ADGRV1: variants seen among roughly 807,000 people sequenced by gnomAD.
ADGRV1 encodes adhesion G protein-coupled receptor V1, also known as G-protein coupled receptor 98.
ADGRV1 carries 359 observed loss-of-function variants against 596.2 expected under a neutral mutation model. The ratio of observed to expected loss-of-function variants is 0.60; its 90% confidence interval spans 0.55 to 0.66. The LOEUF (loss-of-function observed/expected upper bound fraction) is 0.66. Among genes scored for constraint, ADGRV1 ranks in the 30% least tolerant of loss-of-function variants. ADGRV1 has a pLI of 0.00. For missense variants in ADGRV1, 7,274 were observed against 7,575.6 expected (o/e 0.96, Z 1.48); for synonymous variants, 2,681 against 2,679.2 (o/e 1.00, Z -0.02).
At chr5:90,952,641 G>A (rs2150912304) in intron 83 of ADGRV1, among the ~76,000 whole-genome samples, 1 of 152,242 alleles carries the variant, frequency 6.6e-6, no homozygotes, top group East Asian at 1.9e-4. Context: ...TTATGACTTA[G>A]GAGAACCAAA....
chr5:90,614,774 C>T, intron 1 of ADGRV1, 61 bp from the exon 2 acceptor site: 2 of 1,166,548 alleles, frequency 1.7e-6, no homozygotes, highest in Non-Finnish European at 2.5e-6. Flanking sequence ...ATAGACAATA[C>T]AATCTAATGA....
At chr5:90,589,017 A>G (rs898937977) in intron 1 of ADGRV1, among the ~76,000 whole-genome samples, 2 of 152,240 alleles carry the variant, frequency 1.3e-5, no homozygotes, top group African/African-American at 4.8e-5. Flanking sequence ...AGCTAAAAGT[A>G]TTGTCTTTCA....
At chr5:90,891,564 G>A (rs1770825357) in intron 83 of ADGRV1, among the ~76,000 whole-genome samples, 1 of 151,756 alleles carries the variant, frequency 6.6e-6, no homozygotes, top group African/African-American at 2.4e-5. Flanking sequence ...ACTTTTTCAG[G>A]TACTGATAAT....
Position 90,753,750 on chromosome 5 carries a change from A to G in ADGRV1, c.11298A>G (p.Thr3766=). 1 of 1,613,500 alleles carries G rather than the reference A, an allele frequency of 6.2e-7. No homozygotes were observed. The highest frequency in any genetic ancestry group is 1.1e-5 in the South Asian group (1 of 91,064). ...IDQDRSKSVI[T]TLPNDSPFGL... ...AGGACAGAAGCAAGTCTGTTATAAC[A>G]ACTTTGCCCAATGACTCACCTTTTG... The change falls in exon 54 of 90, where the codon ACA becomes ACG. Residue 3766 remains threonine (T), a synonymous_variant. Transcript: ENST00000405460.
At position 90,791,306 on chromosome 5, in the gene ADGRV1, G is replaced by A. The variant is rs777693829; in HGVS notation, c.14477G>A (p.Gly4826Asp). ...GAGAGGCAGCTGGTGGTCAAAGATG[G>A]TGCCACATATAAAGTGGACGTGGTG... ...NAERQLVVKD[G>D]ATYKVDVVPI... Residue 4826 changes from glycine to aspartate, a missense_variant, in exon 70 of 90, where the codon GGT (glycine) becomes GAT (aspartate). Around this residue, in one of 5 missense-constraint regions of ADGRV1, gnomAD observed 1,874 missense variants for 1,970.2 expected, o/e 0.95. Transcript: ENST00000405460. 1 of 1,590,464 alleles carries A rather than the reference G, an allele frequency of 6.3e-7. No homozygotes were observed. The highest frequency in any genetic ancestry group is 8.6e-7 in the Non-Finnish European group (1 of 1,167,772).
At chr5:90,560,793 A>T (rs189829312) in intron 1 of ADGRV1, among the ~76,000 whole-genome samples, 1 of 152,292 alleles carries the variant, frequency 6.6e-6, no homozygotes, top group African/African-American at 2.4e-5. Context: ...TCAGAAAGTG[A>T]TCATATGAGA....
chr5:91,001,999 T>C (rs1051578091), intron 85 of ADGRV1, among the ~76,000 whole-genome samples: 6 of 152,198 alleles, frequency 3.9e-5, no homozygotes, highest in Non-Finnish European at 8.8e-5. Flanking sequence ...TATGATATTG[T>C]TTTTTCTAGC....
intron 82 of ADGRV1, among the ~76,000 whole-genome samples, chr5:90,863,483 A>G (rs1223441033): frequency 6.6e-6 from 1 of 152,230 alleles, no homozygotes; most frequent in Non-Finnish European, 1.5e-5. Context: ...AGGGGTAATT[A>G]CCAAACCTGA....
At chr5:90,603,757 T>C (rs1343877896) in intron 1 of ADGRV1, among the ~76,000 whole-genome samples, 3 of 151,534 alleles carry the variant, frequency 2.0e-5, no homozygotes, top group East Asian at 3.9e-4. Context: ...CAGCTAAAGG[T>C]TTCATGGCAT....
intron 26 of ADGRV1, among the ~76,000 whole-genome samples, chr5:90,680,371 G>C (rs931758234): frequency 6.6e-6 from 1 of 150,814 alleles, no homozygotes; most frequent in South Asian, 2.1e-4. Flanking sequence ...AAAAAAAAAA[G>C]AAAGAAACAA....
intron 50 of ADGRV1, among the ~76,000 whole-genome samples, chr5:90,742,706 TG>T (rs1329069296): frequency 6.6e-6 from 1 of 152,088 alleles, no homozygotes; most frequent in Non-Finnish European, 1.5e-5. Flanking sequence ...GAGAAAGAGC[TG>T]GAGGCGCATT....
chr5:90,784,978 A>G (rs1402014705), intron 67 of ADGRV1, among the ~76,000 whole-genome samples: 2 of 152,190 alleles, frequency 1.3e-5, no homozygotes, highest in African/African-American at 4.8e-5. Context: ...CCTAAGCAAA[A>G]ATAACAAAGC....
chr5:91,089,179 G>C (rs901407454), intron 86 of ADGRV1, among the ~76,000 whole-genome samples: 1 of 152,062 alleles, frequency 6.6e-6, no homozygotes, highest in Non-Finnish European at 1.5e-5. Context: ...AGTCGTTGTT[G>C]TACATGCCTA....
chr5:90,924,728 A>G (rs1232733537), intron 83 of ADGRV1, among the ~76,000 whole-genome samples: 11 of 151,182 alleles, frequency 7.3e-5, no homozygotes, highest in South Asian at 2.1e-4. Context: ...CCTGAATGGT[A>G]ATGCCTAGGT....
chr5:90,869,583 A>T (rs886488130), intron 83 of ADGRV1, among the ~76,000 whole-genome samples: 4 of 152,314 alleles, frequency 2.6e-5, no homozygotes, highest in African/African-American at 7.2e-5. Context: ...TTCTGAGCTT[A>T]GACAGTGGTA....
At chr5:91,019,591 G>GA (rs5869531) in intron 85 of ADGRV1, among the ~76,000 whole-genome samples, 107,928 of 151,600 alleles carry the variant, frequency 0.71, 38,932 homozygotes, top group African/African-American at 0.84. Context: ...TCTTCTGTGG[G>GA]AAAAAAATGG....
At chr5:90,877,362 G>A (rs776185010) in intron 83 of ADGRV1, among the ~76,000 whole-genome samples, 35 of 152,156 alleles carry the variant, frequency 2.3e-4, no homozygotes, top group Non-Finnish European at 4.0e-4. Flanking sequence ...TAGAATAGTC[G>A]CCAGACCTGA....
intron 56 of ADGRV1, 23 bp downstream of exon 56, chr5:90,756,653 T>A: frequency 6.3e-7 from 1 of 1,592,574 alleles, no homozygotes; most frequent in Non-Finnish European, 8.6e-7. Context: ...TTCATTTGTT[T>A]ACAGTCATAC....
At chr5:90,820,687 CT>C (rs1763402465) in intron 75 of ADGRV1, among the ~76,000 whole-genome samples, 1 of 149,826 alleles carries the variant, frequency 6.7e-6, no homozygotes, top group Non-Finnish European at 1.5e-5. Context: ...CTTAGTTTGG[CT>C]GGATATGAAA....
Sources: gnomAD v4.1 joint callset for allele counts (sites outside exome capture counted in the v4.1 genomes callset) on GRCh38, gnomAD v4.1.1 for gene constraint, gnomAD v4.1.1 regional missense constraint, MANE v1.5 for transcripts, NCBI Gene and HGNC (gene_info 2026-07-23, HGNC 2026-07-21) for gene names.